Variants in ARL6IP6 observed in about 807,000 individuals in gnomAD.
ARL6IP6 encodes ADP-ribosylation factor-like protein 6-interacting protein 6.
ARL6IP6 carries 22 observed loss-of-function variants against 21.5 expected under a neutral mutation model. That is an observed-to-expected ratio of 1.02 (90% CI 0.73 to 1.46). ARL6IP6 has a LOEUF of 1.46. Among genes scored for constraint, ARL6IP6 ranks in the 40% most tolerant of loss-of-function variants. The probability of loss-of-function intolerance (pLI) is 0.00; values close to 1 mark genes in which losing one functional copy is unlikely to be tolerated. For missense variants in ARL6IP6, 388 were observed against 299.8 expected (o/e 1.29, Z -2.17); for synonymous variants, 164 against 125.3 (o/e 1.31, Z -2.06).
At chr2:152,750,085 A>G (rs944088340) in intron 3 of ARL6IP6, among the ~76,000 whole-genome samples, 9 of 152,206 alleles carry the variant, frequency 5.9e-5, no homozygotes, top group African/African-American at 2.2e-4. Flanking sequence ...AAGTACAGGT[A>G]ATGTTGACCA....
intron 3 of ARL6IP6, among the ~76,000 whole-genome samples, chr2:152,752,327 C>G (rs1160133839): frequency 6.6e-6 from 1 of 152,150 alleles, no homozygotes; most frequent in Non-Finnish European, 1.5e-5. Flanking sequence ...CTGAACAAAA[C>G]TGAAACCAAG....
Position 152,762,088 on chromosome 2 carries a change from C to T in ARL6IP6, c.*2248C>T, listed in dbSNP as rs1701870003. Among the ~76,000 whole-genome samples, 1 of 152,128 alleles carries T rather than the reference C, an allele frequency of 6.6e-6. No homozygotes were observed. On this transcript the variant is annotated 3_prime_UTR_variant, in exon 4 of 4. Coordinates refer to ENST00000326446, the MANE Select transcript of ARL6IP6 (RefSeq NM_152522.7). ...TGCAGAATGATTAGGCAAGGATAGT[C>T]ACCTAACTCTGGCTGAGCTAATCCT...
intron 2 of ARL6IP6, among the ~76,000 whole-genome samples, chr2:152,722,803 G>A (rs907419038): frequency 1.3e-5 from 2 of 152,154 alleles, no homozygotes; most frequent in African/African-American, 4.8e-5. Context: ...ACCTACTCGG[G>A]AGGCTGAGGC....
At chr2:152,717,732 C>A (rs1699199490), upstream of ARL6IP6, 4 of 1,339,276 alleles carry the variant, frequency 3.0e-6, no homozygotes, top group East Asian at 1.3e-4. Context: ...AACAGTGTCC[C>A]AGCTTCCCGA....
intron 3 of ARL6IP6, among the ~76,000 whole-genome samples, chr2:152,737,516 C>T (rs1323949295): frequency 6.6e-6 from 1 of 152,156 alleles, no homozygotes; most frequent in Non-Finnish European, 1.5e-5. Context: ...ATACCCAAGA[C>T]TGGGTAATTT....
chr2:152,733,095 T>C (rs1171738061), intron 2 of ARL6IP6, among the ~76,000 whole-genome samples: 1 of 152,190 alleles, frequency 6.6e-6, no homozygotes, highest in Non-Finnish European at 1.5e-5. Flanking sequence ...TCTACAACTT[T>C]ATATTTAGAT....
chr2:152,717,765 G>A (rs959090144), upstream of ARL6IP6: 21 of 1,250,746 alleles, frequency 1.7e-5, no homozygotes, highest in Non-Finnish European at 1.6e-5. Flanking sequence ...TCACCCCGTA[G>A]GGGGTGGGGC....
intron 2 of ARL6IP6, among the ~76,000 whole-genome samples, chr2:152,734,564 C>T (rs1289903740): frequency 6.6e-6 from 1 of 152,160 alleles, no homozygotes; most frequent in Non-Finnish European, 1.5e-5. Context: ...AATCTAGGCA[C>T]ACTGCAACCT....
At chr2:152,749,798 T>A (rs1701234427) in intron 3 of ARL6IP6, among the ~76,000 whole-genome samples, 2 of 152,208 alleles carry the variant, frequency 1.3e-5, no homozygotes, top group Admixed American at 1.3e-4. Context: ...AATTTTTTAT[T>A]ATTGAAAGGA....
rs559455540 is a variant in ARL6IP6 at position 152,727,408 on chromosome 2, AATTT to A, written c.454+6826_454+6829del. Among the ~76,000 whole-genome samples, 443 of 152,336 alleles carry A rather than the reference AATTT, an allele frequency of 2.9e-3. 3 individuals are homozygous for A. Among genetic ancestry groups the A allele is most frequent in the African/African-American group, 0.01 (423 of 41,574 alleles). On this transcript the variant is annotated intron_variant, in intron 2 of 3. Transcript: ENST00000326446. ...AAGAAAGTTACAGTAAGCTAAGGTTAATTTATTAATGAAGAGAAAAATTTTTTAA... is the reference window on the plus strand; with the variant it reads ...AAGAAAGTTACAGTAAGCTAAGGTTAATTAATGAAGAGAAAAATTTTTTAA...
At chr2:152,736,124 A>G (rs1200721673) in intron 3 of ARL6IP6, among the ~76,000 whole-genome samples, 3 of 152,154 alleles carry the variant, frequency 2.0e-5, no homozygotes, top group Non-Finnish European at 4.4e-5. Flanking sequence ...ATGCTTTCCA[A>G]TAAATTTTAG....
intron 3 of ARL6IP6, among the ~76,000 whole-genome samples, chr2:152,746,266 A>T (rs896282090): frequency 1.3e-5 from 2 of 151,986 alleles, no homozygotes; most frequent in African/African-American, 4.8e-5. Context: ...GGTTCAAGTG[A>T]TCCACCTGCC....
chr2:152,749,411 CTAT>C (rs1010880090), intron 3 of ARL6IP6, among the ~76,000 whole-genome samples: 7 of 151,918 alleles, frequency 4.6e-5, no homozygotes, highest in Non-Finnish European at 7.4e-5. Context: ...TTTTATACTA[CTAT>C]TGTTTGTTTC....
chr2:152,725,086 G>A (rs1264928022), intron 2 of ARL6IP6, among the ~76,000 whole-genome samples: 1 of 152,152 alleles, frequency 6.6e-6, no homozygotes, highest in Middle Eastern at 3.4e-3. Context: ...CTGTTTGTAA[G>A]GATTGAAATT....
chr2:152,741,484 GAAAC>G lies in ARL6IP6; in HGVS notation c.587+6363_587+6366del, dbSNP rs541576033. On this transcript the variant is annotated intron_variant, in intron 3 of 3. Transcript: ENST00000326446. The stretch of plus-strand genomic sequence containing the variant: ...TGTGACTATCAATTGTGTTTCCTTA[GAAAC>G]AAACCCCTCAGAGGAAGAAAAAAAG... Among the ~76,000 whole-genome samples the G allele has an allele frequency of 1.4e-3, 219 of 151,220 alleles. 1 individual carries two copies. The highest frequency in any genetic ancestry group is 4.8e-3 in the African/African-American group (200 of 41,260).
At chr2:152,745,735 T>C (rs1362431515) in intron 3 of ARL6IP6, among the ~76,000 whole-genome samples, 2 of 152,164 alleles carry the variant, frequency 1.3e-5, no homozygotes, top group Non-Finnish European at 2.9e-5. Flanking sequence ...GGCCTTGATA[T>C]TTGAGTATCA....
intron 3 of ARL6IP6, among the ~76,000 whole-genome samples, chr2:152,739,724 A>G (rs1476224267): frequency 6.6e-6 from 1 of 152,186 alleles, no homozygotes; most frequent in Non-Finnish European, 1.5e-5. Flanking sequence ...TACTGTATTA[A>G]TCTGTTCTCA....
upstream of ARL6IP6, chr2:152,718,523 G>A: frequency 1.4e-6 from 2 of 1,469,520 alleles, no homozygotes; most frequent in Non-Finnish European, 1.8e-6. Flanking sequence ...TGGGCTCTGA[G>A]GCCTGGTGGT....
chr2:152,718,269 C>G (rs751337192), upstream of ARL6IP6: 1 of 272,874 alleles, frequency 3.7e-6, no homozygotes, highest in Non-Finnish European at 6.2e-6. Context: ...TTGGGGCTGT[C>G]GGGGCGCGCG....
Sources: gnomAD v4.1 joint callset for allele counts (sites outside exome capture counted in the v4.1 genomes callset) on GRCh38, gnomAD v4.1.1 for gene constraint, MANE v1.5 for transcripts, NCBI Gene and HGNC (gene_info 2026-07-23, HGNC 2026-07-21) for gene names.